The following DIAPH2 variants were observed in gnomAD, a reference collection of about 807,000 sequenced individuals.
DIAPH2 encodes diaphanous related formin 2.
In DIAPH2, 35 loss-of-function variants were observed where a neutral mutation model predicts 92.7. The observed-to-expected ratio is 0.38, with a 90% CI of 0.29 to 0.50. The LOEUF (loss-of-function observed/expected upper bound fraction) is 0.50, where lower values mean the gene tolerates loss of function less well. Ranked by LOEUF, DIAPH2 falls within the 20% of genes least tolerant of loss-of-function variation. DIAPH2 has a pLI of 0.94. For synonymous variants in DIAPH2, 301 were observed against 280.4 expected, an observed-to-expected ratio of 1.07 and a Z score of -0.73; for missense variants, 701 against 819.5, an observed-to-expected ratio of 0.86 and a Z score of 1.77.
At chrX:96,816,633 A>G (rs1048543810) in intron 4 of DIAPH2, among the ~76,000 whole-genome samples, 2 of 112,277 alleles carry the variant, frequency 1.8e-5, no homozygotes, top group African/African-American at 6.5e-5. Context: ...TGGGAATGTA[A>G]ATCAATACAA....
At chrX:97,098,821 C>T (rs770627397) in intron 19 of DIAPH2, among the ~76,000 whole-genome samples, 34 of 112,944 alleles carry the variant, frequency 3.0e-4, no homozygotes, top group African/African-American at 1.1e-3. Context: ...AGGATAATCA[C>T]GTTGAGGATT....
chrX:97,302,303 C>T (rs186550565), intron 23 of DIAPH2, among the ~76,000 whole-genome samples: 1,498 of 106,455 alleles, frequency 0.014, 28 homozygotes, highest in African/African-American at 0.048. Context: ...CCGAGGTGGG[C>T]GGATCACCTG....
chrX:97,471,880 AGAGAAG>A (rs1248074677), intron 26 of DIAPH2, among the ~76,000 whole-genome samples: 2 of 110,688 alleles, frequency 1.8e-5, no homozygotes, highest in African/African-American at 6.6e-5. Context: ...ATGGAAGATT[AGAGAAG>A]TTAAGTAGCT....
intron 4 of DIAPH2, among the ~76,000 whole-genome samples, chrX:96,875,405 A>G (rs1040351548): frequency 2.7e-5 from 3 of 112,288 alleles, no homozygotes; most frequent in African/African-American, 9.7e-5. Context: ...ATTTCATCAT[A>G]TACAACCTTA....
chrX:97,468,211 G>A (rs1027355107), intron 26 of DIAPH2, among the ~76,000 whole-genome samples: 1 of 111,872 alleles, frequency 8.9e-6, no homozygotes, highest in East Asian at 2.8e-4. Flanking sequence ...GTAATGTTCC[G>A]AATGTCAGCC....
At chrX:97,300,980 T>C (rs1429324076) in intron 23 of DIAPH2, among the ~76,000 whole-genome samples, 12 of 55,307 alleles carry the variant, frequency 2.2e-4, no homozygotes, top group Non-Finnish European at 3.0e-4. Flanking sequence ...AAGAAGAATG[T>C]CTCCATAGTT....
chrX:96,858,950 A>T (rs769523820), intron 4 of DIAPH2, among the ~76,000 whole-genome samples: 1 of 111,837 alleles, frequency 8.9e-6, no homozygotes, highest in Non-Finnish European at 1.9e-5. Flanking sequence ...TCTGAAGACA[A>T]TCCCTGTATT....
intron 23 of DIAPH2, among the ~76,000 whole-genome samples, chrX:97,277,167 G>A (rs930563197): frequency 9.9e-5 from 11 of 110,970 alleles, no homozygotes; most frequent in African/African-American, 3.3e-4. Context: ...GGATAACCCC[G>A]TCTCTTCTAA....
chrX:97,053,826 G>A (rs2066537364), intron 17 of DIAPH2, among the ~76,000 whole-genome samples: 2 of 111,806 alleles, frequency 1.8e-5, no homozygotes, highest in Admixed American at 9.5e-5. Flanking sequence ...ATGTACATGT[G>A]CTTTGTGTGG....
intron 9 of DIAPH2, among the ~76,000 whole-genome samples, chrX:96,922,172 G>A (rs1048117127): frequency 5.4e-5 from 6 of 110,976 alleles, no homozygotes; most frequent in African/African-American, 2.0e-4. Flanking sequence ...TGAATAGAAG[G>A]GAAAGCACAG....
intron 23 of DIAPH2, 136 bp downstream of exon 23, chrX:97,247,975 A>T (rs1386235974): frequency 1.6e-5 from 9 of 548,958 alleles, no homozygotes; most frequent in Non-Finnish European, 2.4e-5. Flanking sequence ...CTGTTTTTCT[A>T]TTAGTAGCAT....
chrX:97,142,476 T>C (rs759146805), intron 22 of DIAPH2, among the ~76,000 whole-genome samples: 1 of 111,454 alleles, frequency 9.0e-6, no homozygotes, highest in African/African-American at 3.3e-5. Flanking sequence ...AAGGTAGGTA[T>C]CTCTGAGACT....
chrX:96,815,493 G>A (rs903059450), intron 4 of DIAPH2, among the ~76,000 whole-genome samples: 12 of 112,037 alleles, frequency 1.1e-4, no homozygotes, highest in South Asian at 7.5e-4. Flanking sequence ...CAGGTGAGGC[G>A]ATGTCCCGCC....
chrX:96,856,816 C>G (rs1426960051), intron 4 of DIAPH2, among the ~76,000 whole-genome samples: 1 of 110,296 alleles, frequency 9.1e-6, no homozygotes, highest in African/African-American at 3.3e-5. Flanking sequence ...GTGGGCGGAT[C>G]ACTTGAGGTC....
chrX:97,309,149 G>A (rs2068773235), intron 23 of DIAPH2, among the ~76,000 whole-genome samples: 1 of 108,699 alleles, frequency 9.2e-6, no homozygotes, highest in East Asian at 2.9e-4. Context: ...CATCCAGGCT[G>A]AAGTGCAGTG....
Position 97,172,808 on chromosome X carries a change from T to C in DIAPH2, c.2719+31014T>C, listed in dbSNP as rs181975572. Among the ~76,000 whole-genome samples the C allele has an allele frequency of 1.7e-3, 194 of 111,672 alleles. 1 individual carries two copies. The highest frequency in any genetic ancestry group is 6.1e-3 in the African/African-American group (187 of 30,799). On this transcript the variant is annotated intron_variant, in intron 22 of 26. Coordinates refer to ENST00000324765, the MANE Select transcript of DIAPH2 (RefSeq NM_006729.5). ...AGACTGAAGATCAAGTCCCCTACTT[T>C]CAAACTATCTCCCAAAACTTCCCAT...
intron 22 of DIAPH2, among the ~76,000 whole-genome samples, chrX:97,241,791 T>G (rs1278966891): frequency 2.0e-5 from 2 of 101,382 alleles, no homozygotes; most frequent in African/African-American, 7.2e-5. Flanking sequence ...TTTTTTTTTT[T>G]TTTGAGACGG....
At chrX:96,817,226 T>A (rs2064743069) in intron 4 of DIAPH2, among the ~76,000 whole-genome samples, 1 of 112,007 alleles carries the variant, frequency 8.9e-6, no homozygotes, top group Admixed American at 9.5e-5. Flanking sequence ...TAAACGTGTA[T>A]AATTGGATTG....
rs959915605 is a variant in DIAPH2 at position 96,832,325 on chromosome X, T to A, written c.448-49254T>A. Among the ~76,000 whole-genome samples, 4 of 111,958 alleles carry A rather than the reference T, an allele frequency of 3.6e-5. No individual in the cohort carries two copies. The Admixed American group carries it at 3.8e-4, about 11-fold the overall frequency. ...AATTGTCTCCCAACTGCCTCTCACA[T>A]ATACTTTGACAAAGTGCTATTGCAA... is the stretch of plus-strand genomic sequence containing the variant. On this transcript the variant is annotated intron_variant, in intron 4 of 26. Coordinates refer to ENST00000324765, the MANE Select transcript of DIAPH2 (RefSeq NM_006729.5).
Sources: allele counts gnomAD v4.1 joint callset (sites outside exome capture counted in the v4.1 genomes callset), GRCh38; gene constraint gnomAD v4.1.1; transcripts MANE v1.5; gene names NCBI Gene and HGNC (gene_info 2026-07-23, HGNC 2026-07-21).